PTPRK: variants seen among roughly 807,000 people sequenced by gnomAD.
PTPRK encodes the protein protein tyrosine phosphatase receptor type K.
A neutral mutation model predicts 178.0 loss-of-function variants in PTPRK; 75 were observed. The ratio of observed to expected loss-of-function variants is 0.42; its 90% CI spans 0.35 to 0.51. The LOEUF (loss-of-function observed/expected upper bound fraction) is 0.51, where lower values mean the gene tolerates loss of function less well. Among genes scored for constraint, PTPRK ranks in the 20% least tolerant of loss-of-function variants. The pLI, the probability that PTPRK is intolerant of heterozygous loss-of-function variation, is 0.02. For missense variants in PTPRK, 1,441 were observed against 1,797.8 expected, an observed-to-expected ratio of 0.80 and a Z score of 3.59; for synonymous variants, 637 against 620.6, an observed-to-expected ratio of 1.03 and a Z score of -0.39.
intron 6 of PTPRK, among the ~76,000 whole-genome samples, chr6:128,210,868 G>C (rs186254027): frequency 1.8e-4 from 27 of 152,196 alleles, no homozygotes; most frequent in Admixed American, 8.5e-4. Context: ...GAAGGTACAA[G>C]TAATTACCTA....
intron 1 of PTPRK, among the ~76,000 whole-genome samples, chr6:128,495,803 C>T (rs1009975887): frequency 2.0e-5 from 3 of 152,318 alleles, no homozygotes; most frequent in Admixed American, 6.5e-5. Flanking sequence ...TGGCCACTCT[C>T]ACCAGACTCT....
At chr6:128,392,244 T>A (rs959845877) in intron 2 of PTPRK, among the ~76,000 whole-genome samples, 8 of 152,128 alleles carry the variant, frequency 5.3e-5, no homozygotes, top group African/African-American at 1.9e-4. Context: ...ATCTTCAGAG[T>A]AATTTAACAA....
At chr6:128,491,851 T>C (rs1011043649) in intron 1 of PTPRK, 1 of 511,368 alleles carries the variant, frequency 2.0e-6, no homozygotes, top group African/African-American at 1.9e-5. Flanking sequence ...GCACAGACAC[T>C]GAAAACGAAA....
At chr6:128,093,330 AC>A (rs1787311910) in intron 7 of PTPRK, among the ~76,000 whole-genome samples, 1 of 152,044 alleles carries the variant, frequency 6.6e-6, no homozygotes, top group Non-Finnish European at 1.5e-5. Context: ...ATGGTGGCTC[AC>A]CCCCATAATC....
At chr6:128,418,040 C>T (rs756434003) in intron 1 of PTPRK, among the ~76,000 whole-genome samples, 69 of 152,230 alleles carry the variant, frequency 4.5e-4, no homozygotes, top group African/African-American at 1.6e-3. Context: ...CAAAGATGGA[C>T]GCTAACATTC....
chr6:128,119,193 C>A (rs79509486), intron 7 of PTPRK, among the ~76,000 whole-genome samples: 3 of 151,278 alleles, frequency 2.0e-5, no homozygotes, highest in East Asian at 3.9e-4. Context: ...TAAAAACATA[C>A]CTAAAAACAT....
chr6:128,454,726 T>C (rs1340338865), intron 1 of PTPRK, among the ~76,000 whole-genome samples: 2 of 152,112 alleles, frequency 1.3e-5, no homozygotes, highest in East Asian at 3.9e-4. Context: ...TTTGTGTAGA[T>C]CCATACTTCC....
chr6:128,105,188 C>A (rs1042386320), intron 7 of PTPRK, among the ~76,000 whole-genome samples: 3 of 149,948 alleles, frequency 2.0e-5, no homozygotes, highest in African/African-American at 7.4e-5. Flanking sequence ...GGCTGGAGTG[C>A]AGTGGCACGA....
At chr6:128,223,350 C>T (rs1810743860) in intron 5 of PTPRK, among the ~76,000 whole-genome samples, 1 of 151,606 alleles carries the variant, frequency 6.6e-6, no homozygotes, top group Non-Finnish European at 1.5e-5. Context: ...AGGGAGGTTA[C>T]AAAAATATTG....
intron 13 of PTPRK, among the ~76,000 whole-genome samples, chr6:128,047,872 A>T (rs1215917245): frequency 9.2e-5 from 14 of 152,058 alleles, no homozygotes; most frequent in Non-Finnish European, 2.1e-4. Context: ...ATCTAAAATT[A>T]AGGAAGTCCA....
intron 7 of PTPRK, among the ~76,000 whole-genome samples, chr6:128,090,327 T>C (rs1244170152): frequency 1.3e-5 from 2 of 152,210 alleles, no homozygotes; most frequent in Non-Finnish European, 2.9e-5. Context: ...TTTGTCTTTA[T>C]TGAGCAAGTG....
At chr6:128,041,290 T>A (rs957626519) in intron 13 of PTPRK, among the ~76,000 whole-genome samples, 3 of 152,068 alleles carry the variant, frequency 2.0e-5, no homozygotes, top group Non-Finnish European at 2.9e-5. Context: ...AAAGATCCAA[T>A]TAACTTTCTA....
At chr6:128,140,024 A>C (rs1795551045) in intron 7 of PTPRK, among the ~76,000 whole-genome samples, 1 of 151,936 alleles carries the variant, frequency 6.6e-6, no homozygotes, top group Non-Finnish European at 1.5e-5. Context: ...TCTGCAATGG[A>C]GAAAGATGTT....
chr6:128,167,482 A>G (rs572033590), intron 7 of PTPRK, among the ~76,000 whole-genome samples: 1 of 152,034 alleles, frequency 6.6e-6, no homozygotes, highest in East Asian at 1.9e-4. Flanking sequence ...ACTTTGTAAA[A>G]TGTCAATTTT....
At chr6:128,184,391 A>T in intron 7 of PTPRK, 41 bp downstream of exon 7, 1 of 1,584,876 alleles carries the variant, frequency 6.3e-7, no homozygotes, top group Non-Finnish European at 8.6e-7. Flanking sequence ...CTTATGCTAG[A>T]TTCCTTCACA....
At chr6:128,391,619 T>G (rs188022868) in intron 2 of PTPRK, among the ~76,000 whole-genome samples, 26 of 152,230 alleles carry the variant, frequency 1.7e-4, no homozygotes, top group African/African-American at 6.0e-4. Context: ...AACTATGCTT[T>G]TTTATTAATC....
intron 7 of PTPRK, among the ~76,000 whole-genome samples, chr6:128,126,297 G>A (rs1001875800): frequency 6.6e-6 from 1 of 152,024 alleles, no homozygotes; most frequent in Non-Finnish European, 1.5e-5. Flanking sequence ...ATTTATGAGT[G>A]AGACAAGCAA....
intron 15 of PTPRK, among the ~76,000 whole-genome samples, chr6:128,003,865 G>A (rs992244063): frequency 1.3e-5 from 2 of 151,742 alleles, no homozygotes; most frequent in Admixed American, 6.6e-5. Flanking sequence ...AAATAGATCT[G>A]AAAGGCCCTG....
At chr6:128,366,626 G>A (rs1562367626) in intron 2 of PTPRK, among the ~76,000 whole-genome samples, 3 of 152,068 alleles carry the variant, frequency 2.0e-5, no homozygotes, top group African/African-American at 4.8e-5. Flanking sequence ...TATCCACCTC[G>A]GGATACAGAG....
Sources: gnomAD v4.1 joint callset for allele counts (sites outside exome capture counted in the v4.1 genomes callset) on GRCh38, gnomAD v4.1.1 for gene constraint, MANE v1.5 for transcripts, NCBI Gene and HGNC (gene_info 2026-07-23, HGNC 2026-07-21) for gene names.